ZNF765: variants seen among roughly 807,000 people sequenced by gnomAD.
The protein encoded by ZNF765 is zinc finger protein 765.
Under a neutral mutation model 44.7 loss-of-function variants are expected in ZNF765, and 37 were observed. The observed-to-expected ratio is 0.83, with a 90% CI of 0.64 to 1.09. The LOEUF (loss-of-function observed/expected upper bound fraction) is 1.09, where lower values mean the gene tolerates loss of function less well. Among genes scored for constraint, ZNF765 ranks in the 50% least tolerant of loss-of-function variants. ZNF765 has a pLI of 0.00. For synonymous variants in ZNF765, 201 were observed against 213.7 expected (o/e 0.94, Z 0.52); for missense variants, 594 against 626.1 (o/e 0.95, Z 0.55).
chr19:53,419,909 G>C (rs2085897360), intron 3 of ZNF765, among the ~76,000 whole-genome samples: 1 of 151,820 alleles, frequency 6.6e-6, no homozygotes, highest in Non-Finnish European at 1.5e-5. Context: ...ATCCCAGCTA[G>C]TTGAGAGGAT....
intron 2 of ZNF765, among the ~76,000 whole-genome samples, chr19:53,399,669 G>C (rs1191424956): frequency 6.7e-6 from 1 of 149,288 alleles, no homozygotes; most frequent in Non-Finnish European, 1.5e-5. Context: ...CACAGATCAA[G>C]ACTCCATCTC....
At chr19:53,417,098 G>C (rs1225900439) in intron 3 of ZNF765, among the ~76,000 whole-genome samples, 1 of 152,144 alleles carries the variant, frequency 6.6e-6, no homozygotes, top group Non-Finnish European at 1.5e-5. Flanking sequence ...GATTACAGAC[G>C]TGAGCCACTA....
chr19:53,410,205 A>G lies in ZNF765; in HGVS notation c.*1078A>G, dbSNP rs2147099803. On this transcript the variant is annotated 3_prime_UTR_variant, in exon 4 of 4. Coordinates refer to ENST00000396408, the MANE Select transcript of ZNF765 (RefSeq NM_001040185.3). ...ATGAACGTGGCAAGGTTTTAAATCAAAAAGCAAAGCTTGCACATCATCATA... is the reference window on the plus strand; with the variant it reads ...ATGAACGTGGCAAGGTTTTAAATCAGAAAGCAAAGCTTGCACATCATCATA... 3 of 369,584 alleles carry G rather than the reference A, an allele frequency of 8.1e-6. No individual in the cohort carries two copies. The highest frequency in any genetic ancestry group is 4.5e-5 in the South Asian group (2 of 44,914). The allele number at this position is 369,584 out of a possible 1,614,324, so 22.9% of individuals were successfully genotyped here.
downstream of ZNF765, among the ~76,000 whole-genome samples, chr19:53,416,505 G>A (rs1427880116): frequency 6.6e-6 from 1 of 152,110 alleles, no homozygotes; most frequent in Non-Finnish European, 1.5e-5. Flanking sequence ...ATTAGCACCA[G>A]GAGTTGGAGA....
At chr19:53,416,459 CCAGA>C (rs2147105114), downstream of ZNF765, among the ~76,000 whole-genome samples, 1 of 152,208 alleles carries the variant, frequency 6.6e-6, no homozygotes, top group East Asian at 1.9e-4. Flanking sequence ...TAATAAATTA[CCAGA>C]CAAATTCCTT....
At chr19:53,398,443 A>G (rs1331471215) in intron 2 of ZNF765, among the ~76,000 whole-genome samples, 1 of 152,200 alleles carries the variant, frequency 6.6e-6, no homozygotes, top group African/African-American at 2.4e-5. Context: ...AAAGGTGACC[A>G]ATATGGAGCA....
rs2085791610 is a variant in ZNF765, at chr19:53,407,933, T to G, written c.378T>G (p.Tyr126Ter). ...IKKLTGSTERYDQNYAGNKPV... is the reference protein window; with the variant it reads ...IKKLTGSTER ...AGTTGACAGGTAGTACAGAGCGATA[T>G]GATCAAAATTATGCTGGAAACAAGC... The change falls in exon 4 of 4, where the codon TAT becomes TAG. Residue 126 changes from tyrosine to a stop codon, truncating the protein, a stop_gained. Transcript: ENST00000396408. LOFTEE classifies it high-confidence loss of function. The G allele has an allele frequency of 1.2e-6, 2 of 1,614,058 alleles. No homozygotes were observed. Among genetic ancestry groups the G allele is most frequent in the Non-Finnish European group, 1.7e-6 (2 of 1,180,038 alleles).
chr19:53,396,220 G>C (rs1444121711), intron 1 of ZNF765, among the ~76,000 whole-genome samples: 1 of 151,796 alleles, frequency 6.6e-6, no homozygotes, highest in Non-Finnish European at 1.5e-5. Flanking sequence ...AGGACACCTG[G>C]GGATCTGGGG....
chr19:53,396,007 AAAAAG>A (rs2085664904), intron 1 of ZNF765, among the ~76,000 whole-genome samples: 1 of 151,964 alleles, frequency 6.6e-6, no homozygotes, highest in South Asian at 2.1e-4. Flanking sequence ...GGAAAAAAAA[AAAAAG>A]GAGGAGAAAA....
At chr19:53,415,057 A>C (rs531488782), downstream of ZNF765, among the ~76,000 whole-genome samples, 218 of 152,312 alleles carry the variant, frequency 1.4e-3, 2 homozygotes, top group Middle Eastern at 0.01. Flanking sequence ...AGATCACCTG[A>C]GGTCGGGAGT....
intron 2 of ZNF765, among the ~76,000 whole-genome samples, chr19:53,398,543 A>C (rs139094739): frequency 0.025 from 3,794 of 152,238 alleles, 164 homozygotes; most frequent in African/African-American, 0.084. Context: ...ATTAGAATGG[A>C]AAGTTCATAC....
chr19:53,403,197 T>G (rs2085745159), intron 3 of ZNF765, among the ~76,000 whole-genome samples: 1 of 152,120 alleles, frequency 6.6e-6, no homozygotes, highest in Non-Finnish European at 1.5e-5. Context: ...ATGTGTGTCC[T>G]TAAGGCTGAG....
chr19:53,425,286 G>A (rs1368715265), exon 4 of ZNF765: 3 of 147,514 alleles, frequency 2.0e-5, no homozygotes, highest in Admixed American at 6.9e-5. Context: ...CAGCTTAGAA[G>A]TTTTTGGGAG....
chr19:53,407,146 GTGGGACTAAAAATT>G (rs2085783139), intron 3 of ZNF765, among the ~76,000 whole-genome samples: 2 of 152,134 alleles, frequency 1.3e-5, no homozygotes, highest in South Asian at 4.2e-4. Context: ...CCATGAGTAC[GTGGGACTAAAAATT>G]TGGGACTAAA....
intron 3 of ZNF765, among the ~76,000 whole-genome samples, chr19:53,407,352 G>A (rs2061772): frequency 0.82 from 125,121 of 152,080 alleles, 51,772 homozygotes; most frequent in Admixed American, 0.87. Flanking sequence ...TGCTGTAAAT[G>A]TGAAGAATAT....
Position 53,408,820 on chromosome 19 carries a change from A to T in ZNF765, c.1265A>T (p.Gln422Leu), listed in dbSNP as rs2085804928. The change falls in exon 4 of 4, where the codon CAG (glutamine) becomes CTG (leucine). Residue 422 changes from glutamine (Q) to leucine (L), a missense_variant. By Grantham distance (113) the Gln-to-Leu change is moderately radical. This residue lies in a region of ZNF765 where 567 missense variants were observed against 572.6 expected (regional missense o/e 0.99). Transcript: ENST00000396408. ...AATGAGTGTGGCAAGACCTTCAATC[A>T]GCAGTTAACCCTTAACATTTGTAGA... is the stretch of plus-strand genomic sequence containing the variant. Reference protein sequence around the residue: ...KCNECGKTFNQQLTLNICRLH... With the variant: ...KCNECGKTFNLQLTLNICRLH... 8.7e-6 allele frequency: 14 copies of T among 1,613,956 alleles called. No individual in the cohort carries two copies. The highest frequency in any genetic ancestry group is 1.2e-5 in the Non-Finnish European group (14 of 1,180,012).
downstream of ZNF765, among the ~76,000 whole-genome samples, chr19:53,412,776 C>T (rs1457460233): frequency 2.0e-5 from 3 of 152,098 alleles, no homozygotes; most frequent in Non-Finnish European, 4.4e-5. Flanking sequence ...GCCTCGGCCT[C>T]CCAAAGTGCT....
At chr19:53,419,269 T>A (rs536105128) in intron 3 of ZNF765, among the ~76,000 whole-genome samples, 2 of 152,338 alleles carry the variant, frequency 1.3e-5, no homozygotes, top group South Asian at 4.1e-4. Flanking sequence ...TATGCCCTTA[T>A]GACCCACATA....
At chr19:53,421,682 T>G (rs6509757) in intron 3 of ZNF765, among the ~76,000 whole-genome samples, 100,642 of 151,842 alleles carry the variant, frequency 0.66, 33,623 homozygotes, top group Admixed American at 0.72. Flanking sequence ...TCCTGGCTAA[T>G]TTTTGTGTTT....
Sources: allele counts gnomAD v4.1 joint callset (sites outside exome capture counted in the v4.1 genomes callset), GRCh38; gene constraint gnomAD v4.1.1; regional missense constraint gnomAD v4.1.1; transcripts MANE v1.5; gene names NCBI Gene and HGNC (gene_info 2026-07-23, HGNC 2026-07-21).